Variants in MASTL observed in about 807,000 individuals in gnomAD.
MASTL encodes the protein microtubule associated serine/threonine kinase like.
MASTL carries 54 observed loss-of-function variants against 82.5 expected under a neutral mutation model. The ratio of observed to expected loss-of-function variants is 0.65; its 90% CI spans 0.53 to 0.82. The LOEUF is 0.82. Among genes scored for constraint, MASTL ranks in the 40% least tolerant of loss-of-function variants. The pLI is 0.00. For missense variants in MASTL, 950 were observed against 1,047.8 expected (o/e 0.91, Z 1.29); for synonymous variants, 323 against 368.9 (o/e 0.88, Z 1.43).
At chr10:27,156,797 G>A (rs1253045) in intron 1 of MASTL, among the ~76,000 whole-genome samples, 21,776 of 151,334 alleles carry the variant, frequency 0.14, 1,883 homozygotes, top group Admixed American at 0.22. Context: ...TGGGATTACA[G>A]GTGTGAGCCA....
intron 6 of MASTL, 95 bp downstream of exon 6, chr10:27,165,634 A>G (rs1282451243): frequency 3.7e-6 from 5 of 1,361,222 alleles, no homozygotes; most frequent in Middle Eastern, 1.8e-4. Context: ...TCTTTTTGAG[A>G]CGGAGTCTTA....
At chr10:27,167,654 C>T (rs1564490310) in intron 7 of MASTL, among the ~76,000 whole-genome samples, 1 of 152,106 alleles carries the variant, frequency 6.6e-6, no homozygotes, top group African/African-American at 2.4e-5. Context: ...CATATTACCT[C>T]CTTCTATACT....
In MASTL at chr10:27,170,267, G is replaced by A. The variant is rs1402838491; in HGVS notation, c.1308G>A (p.Glu436=). The change falls in exon 8 of 12, where the codon GAG becomes GAA. Residue 436 remains glutamate (E), a synonymous_variant. Transcript: ENST00000375940. ...WAVDSGGISE[E]HLGKRSLKRN... is the part of the protein sequence containing the mutation. ...TGGATTCTGGTGGGATATCTGAAGA[G>A]CACCTTGGGAAAAGAAGTTTAAAAA... 3.1e-6 allele frequency: 5 copies of A among 1,613,940 alleles called. No individual in the cohort carries two copies. The highest frequency in any genetic ancestry group is 4.2e-6 in the Non-Finnish European group (5 of 1,179,982).
chr10:27,154,698 T>G, upstream of MASTL: 4 of 181,546 alleles, frequency 2.2e-5, no homozygotes, highest in Non-Finnish European at 4.6e-5. Flanking sequence ...GCCTCCCGAG[T>G]AGCTGGGATT....
At chr10:27,157,388 G>T (rs947688805) in intron 1 of MASTL, among the ~76,000 whole-genome samples, 3 of 152,076 alleles carry the variant, frequency 2.0e-5, no homozygotes, top group African/African-American at 7.2e-5. Context: ...ACAACAATGG[G>T]GAACAAAACA....
chr10:27,178,130 G>A (rs778343946), intron 9 of MASTL, among the ~76,000 whole-genome samples: 24 of 152,096 alleles, frequency 1.6e-4, no homozygotes, highest in Non-Finnish European at 2.6e-4. Flanking sequence ...TGTGGCTCAC[G>A]CCTGTAATCC....
intron 4 of MASTL, among the ~76,000 whole-genome samples, chr10:27,164,762 C>G (rs1209642812): frequency 6.6e-6 from 1 of 152,000 alleles, no homozygotes; most frequent in Admixed American, 6.6e-5. Flanking sequence ...CTCAGCCTCC[C>G]GAGTACCTGA....
chr10:27,174,423 A>G (rs2058040936), intron 9 of MASTL, among the ~76,000 whole-genome samples: 1 of 152,124 alleles, frequency 6.6e-6, no homozygotes, highest in Admixed American at 6.6e-5. Context: ...TTTCTCTCTG[A>G]AAACTGTTCC....
At chr10:27,162,458 C>A (rs1377846201) in intron 4 of MASTL, among the ~76,000 whole-genome samples, 1 of 152,114 alleles carries the variant, frequency 6.6e-6, no homozygotes, top group Non-Finnish European at 1.5e-5. Context: ...AGGTTGAGGT[C>A]AGGAGTTCTA....
chr10:27,169,548 C>A (rs903988588), intron 7 of MASTL, among the ~76,000 whole-genome samples: 1 of 148,712 alleles, frequency 6.7e-6, no homozygotes, highest in Non-Finnish European at 1.5e-5. Context: ...TCAGCCTGGA[C>A]GACAGCAAGA....
rs1324020690 is a variant in MASTL, at chr10:27,187,917, A to ATTTTC, written c.*1386_*1390dup. On this transcript the variant is annotated 3_prime_UTR_variant, in exon 12 of 12. Transcript: ENST00000375940. ...ATTGGTCCTTAAAAAACAAAACATA[A>ATTTTC]TTTTCTTTTGCTTAATAAATATAAC... 6.6e-6 allele frequency among the ~76,000 whole-genome samples: 1 copy of ATTTTC among 152,118 alleles called. No individual in the cohort carries two copies. The highest frequency in any genetic ancestry group is 2.4e-5 in the African/African-American group (1 of 41,416).
chr10:27,180,818 T>C (rs2058249405), intron 9 of MASTL, 135 bp from the exon 10 acceptor site: 3 of 708,168 alleles, frequency 4.2e-6, no homozygotes, highest in East Asian at 2.7e-5. Context: ...GCTTATCTGC[T>C]TTTTCTTTTT....
In MASTL at chr10:27,159,913, C is replaced by G. The variant is rs767306358; in HGVS notation, c.464+155C>G. Among the ~76,000 whole-genome samples the G allele has an allele frequency of 6.6e-6, 1 of 152,086 alleles. No homozygotes were observed. Among genetic ancestry groups the G allele is most frequent in the African/African-American group, 2.4e-5 (1 of 41,426 alleles). ...TTCATTTAGAAATTAACTCTTCTTT[C>G]ATCTCCCTGTGTTTTTTAAAATATA... On this transcript the variant is annotated intron_variant, in intron 3 of 11. Transcript: ENST00000375940. This position sits in a 1 kb window ranked among gnomAD's most constrained non-coding sequence, Gnocchi z 4.0.
At chr10:27,161,416 G>A (rs1405145625) in intron 4 of MASTL, among the ~76,000 whole-genome samples, 1 of 151,768 alleles carries the variant, frequency 6.6e-6, no homozygotes, top group Non-Finnish European at 1.5e-5. Context: ...GCTGAGGCAG[G>A]GAGAATCACT....
In MASTL at chr10:27,155,574, T is replaced by A; in HGVS notation, c.148T>A (p.Tyr50Asn). 1 of 1,614,058 alleles carries A rather than the reference T, an allele frequency of 6.2e-7. No homozygotes were observed. The highest frequency in any genetic ancestry group is 8.5e-7 in the Non-Finnish European group (1 of 1,179,962). The change falls in exon 1 of 12, where the codon TAT (tyrosine) becomes AAT (asparagine). Residue 50 changes from tyrosine to asparagine, a missense_variant. By Grantham distance (143) the Tyr-to-Asn change is moderately radical. Transcript: ENST00000375940. ...PISRGAFGKV[Y>N]LGQKGGKLYA... ...TAGCCGGGGCGCCTTCGGGAAAGTGTATCTGGGGCAGAAAGGCGGCAAATT... is the reference window on the plus strand; with the variant it reads ...TAGCCGGGGCGCCTTCGGGAAAGTGAATCTGGGGCAGAAAGGCGGCAAATT...
Position 27,165,392 on chromosome 10 carries a change from A to G in MASTL, c.664A>G (p.Thr222Ala). The G allele has an allele frequency of 1.2e-6, 2 of 1,614,078 alleles. No individual in the cohort carries two copies. The highest frequency in any genetic ancestry group is 1.7e-6 in the Non-Finnish European group (2 of 1,180,026). Residue 222 changes from threonine (T) to alanine (A), a missense_variant, in exon 6 of 12, where the codon ACA (threonine) becomes GCA (alanine). By Grantham distance (58) the Thr-to-Ala change is moderately conservative (BLOSUM62 0). Transcript: ENST00000375940. ...LSLISSLGFN[T>A]PIAEKNQDPA... is the part of the protein sequence containing the mutation. ...TTTATTTTTCTCTTTTTAATAGAAC[A>G]CACCAATTGCAGAAAAAAATCAAGA...
In MASTL at chr10:27,170,526, T is replaced by C. The variant is rs372136769; in HGVS notation, c.1567T>C (p.Leu523=). The C allele has an allele frequency of 1.2e-6, 2 of 1,613,560 alleles. No individual in the cohort carries two copies. The highest frequency in any genetic ancestry group is 1.3e-5 in the African/African-American group (1 of 74,796). ...FTDKQQTPEK[L]PIPMIAKNLM... ...TGATAAACAACAAACACCAGAAAAA[T>C]TACCTATACCAATGATAGCAAAAAA... The change falls in exon 8 of 12, where the codon TTA becomes CTA. Residue 523 remains leucine, a synonymous_variant. Coordinates refer to ENST00000375940, the MANE Select transcript of MASTL (RefSeq NM_001172303.3).
intron 9 of MASTL, among the ~76,000 whole-genome samples, chr10:27,178,673 A>AC (rs1316547271): frequency 2.8e-5 from 4 of 143,228 alleles, no homozygotes; most frequent in African/African-American, 1.0e-4. Context: ...GAAATCATGT[A>AC]TTTTTTTTTT....
Position 27,170,554 on chromosome 10 carries a change from T to G in MASTL, c.1595T>G (p.Leu532Arg), listed in dbSNP as rs758633135. 1.9e-6 allele frequency: 3 copies of G among 1,613,760 alleles called. No homozygotes were observed. In the South Asian group the frequency reaches 3.3e-5, roughly 18 times the overall value. ...CCTATACCAATGATAGCAAAAAACC[T>G]TATGTGTGAACTCGATGAAGACTGT... The part of the protein sequence containing the change: ...KLPIPMIAKN[L>R]MCELDEDCEK... The change falls in exon 8 of 12, where the codon CTT becomes CGT. Residue 532 changes from leucine to arginine, a missense_variant. Coordinates refer to ENST00000375940, the MANE Select transcript of MASTL (RefSeq NM_001172303.3).
Sources: gnomAD v4.1 joint callset for allele counts (sites outside exome capture counted in the v4.1 genomes callset) on GRCh38, gnomAD v4.1.1 for gene constraint, Gnocchi (gnomAD v3.1) non-coding constraint, MANE v1.5 for transcripts, NCBI Gene and HGNC (gene_info 2026-07-23, HGNC 2026-07-21) for gene names.